Variants in RAPGEF6 observed in about 807,000 individuals in gnomAD.
The protein encoded by RAPGEF6 is Rap guanine nucleotide exchange factor 6, also known as PDZ domain containing guanine nucleotide exchange factor (GEF) 2.
In RAPGEF6, 56 loss-of-function variants were observed where a neutral mutation model predicts 171.4. That is an observed-to-expected ratio of 0.33 (90% CI 0.26 to 0.41). The LOEUF (loss-of-function observed/expected upper bound fraction) is 0.41. Ranked by LOEUF, RAPGEF6 falls within the 10% of genes least tolerant of loss-of-function variation. RAPGEF6 has a pLI of 1.00. For synonymous variants in RAPGEF6, 692 were observed against 650.1 expected (o/e 1.06, Z -0.98); for missense variants, 1,674 against 1,921.4 (o/e 0.87, Z 2.41).
rs912755554 is a variant in RAPGEF6, at chr5:131,425,063, A to G, written c.*2203T>C. The stretch of plus-strand genomic sequence containing the variant: ...GGGATACATACATAACAAACTACAA[A>G]GCATTTGGCTTTGGCTCCTGATCAA... On this transcript the variant is annotated 3_prime_UTR_variant, in exon 28 of 28. Transcript: ENST00000509018. 1 of 152,354 alleles carries G rather than the reference A, an allele frequency of 6.6e-6. No individual in the cohort carries two copies. The highest frequency in any genetic ancestry group is 2.4e-5 in the African/African-American group (1 of 41,454). 9.4% of individuals were successfully genotyped at this position (152,354 alleles called of 1,614,324 possible).
chr5:131,460,766 G>A (rs1479814581), intron 19 of RAPGEF6, among the ~76,000 whole-genome samples: 1 of 152,098 alleles, frequency 6.6e-6, no homozygotes, highest in East Asian at 1.9e-4. Flanking sequence ...GTAGACACTG[G>A]TTAATTTAAT....
chr5:131,502,962 C>T (rs907680628), intron 11 of RAPGEF6, among the ~76,000 whole-genome samples: 3 of 152,108 alleles, frequency 2.0e-5, no homozygotes, highest in African/African-American at 4.8e-5. Context: ...ACCACCATGC[C>T]TAGCTAATTT....
At chr5:131,572,575 C>T (rs144811890) in intron 4 of RAPGEF6, among the ~76,000 whole-genome samples, 7 of 152,086 alleles carry the variant, frequency 4.6e-5, no homozygotes, top group African/African-American at 1.4e-4. Context: ...TGTGGAGATG[C>T]CTGCTTTGGC....
intron 4 of RAPGEF6, among the ~76,000 whole-genome samples, chr5:131,566,379 T>C (rs963752353): frequency 6.6e-6 from 1 of 152,170 alleles, no homozygotes; most frequent in African/African-American, 2.4e-5. Context: ...AAGTATACTG[T>C]GTTAACTGAC....
chr5:131,547,964 A>AT, intron 6 of RAPGEF6, 83 bp downstream of exon 6: 2 of 1,445,098 alleles, frequency 1.4e-6, no homozygotes, highest in South Asian at 2.6e-5. Flanking sequence ...CAGCATGTTG[A>AT]TATTACCAAA....
chr5:131,626,047 A>C (rs1373986296), intron 1 of RAPGEF6, among the ~76,000 whole-genome samples: 1 of 152,188 alleles, frequency 6.6e-6, no homozygotes, highest in Non-Finnish European at 1.5e-5. Flanking sequence ...TAAACCCTGC[A>C]ACGGTTCTTT....
rs751104501 is a variant in RAPGEF6 at position 131,429,160 on chromosome 5, G to A, written c.4522C>T (p.Pro1508Ser). Residue 1508 changes from proline (P) to serine (S), a missense_variant, in exon 27 of 28, where the codon CCT (proline) becomes TCT (serine). This residue lies in a region of RAPGEF6 where 552 missense variants were observed against 574.2 expected (regional missense o/e 0.96). Coordinates refer to ENST00000509018, the MANE Select transcript of RAPGEF6 (RefSeq NM_016340.6). Reference protein sequence around the residue: ...DDRYREPPPTPPGYLGISLAD... With the variant: ...DDRYREPPPTSPGYLGISLAD... ...AAAGAAATCCCCAAATATCCTGGAG[G>A]AGTGGGAGGTGGCTCCCTATACCTA... 1.2e-6 allele frequency: 2 copies of A among 1,613,838 alleles called. No homozygotes were observed. Among genetic ancestry groups the A allele is most frequent in the Non-Finnish European group, 1.7e-6 (2 of 1,179,766 alleles).
In RAPGEF6 at chr5:131,427,240, T is replaced by C. The variant is rs1751432610; in HGVS notation, c.*26A>G. 4.4e-6 allele frequency: 7 copies of C among 1,602,164 alleles called. No individual in the cohort carries two copies. The highest frequency in any genetic ancestry group is 6.0e-6 in the Non-Finnish European group (7 of 1,169,190). On this transcript the variant is annotated 3_prime_UTR_variant, in exon 28 of 28. Transcript: ENST00000509018. ...TTGCCCATTCCTCCACGACTTTCAG[T>C]GGTTTTCAAATAGGTCATCCAAAGG...
At chr5:131,523,877 T>G (rs1351854245) in intron 6 of RAPGEF6, among the ~76,000 whole-genome samples, 1 of 150,618 alleles carries the variant, frequency 6.6e-6, no homozygotes, top group East Asian at 1.9e-4. Flanking sequence ...TGGCAGGGGG[T>G]GAGGTGGAGT....
In RAPGEF6 at chr5:131,456,025, A is replaced by G; in HGVS notation, c.2865-13T>C. On this transcript the variant is annotated splice_polypyrimidine_tract_variant and intron_variant, in intron 19 of 27. Coordinates refer to ENST00000509018, the MANE Select transcript of RAPGEF6 (RefSeq NM_016340.6). ...CAGGTTCAAGCCACTGCCAAAGATG[A>G]GAATAGAAACATTAAAAAGAAACTT... 2 of 1,611,334 alleles carry G rather than the reference A, an allele frequency of 1.2e-6. No individual in the cohort carries two copies. The highest frequency in any genetic ancestry group is 1.3e-5 in the African/African-American group (1 of 74,838).
At chr5:131,533,977 G>A (rs1759583117) in intron 6 of RAPGEF6, among the ~76,000 whole-genome samples, 3 of 152,024 alleles carry the variant, frequency 2.0e-5, no homozygotes. Context: ...CTGCTACAAG[G>A]CATTAGATAC....
chr5:131,567,024 G>A (rs1048622329), intron 4 of RAPGEF6, among the ~76,000 whole-genome samples: 2 of 150,772 alleles, frequency 1.3e-5, no homozygotes, highest in Middle Eastern at 3.2e-3. Context: ...AACCCGGGAA[G>A]TGGAGTTTGC....
chr5:131,531,139 A>C (rs745842419), intron 6 of RAPGEF6, among the ~76,000 whole-genome samples: 50 of 152,332 alleles, frequency 3.3e-4, no homozygotes, highest in Non-Finnish European at 1.5e-4. Flanking sequence ...ATAAAACAGA[A>C]AAACACCACG....
chr5:131,508,093 A>G lies in RAPGEF6; in HGVS notation c.920T>C (p.Ile307Thr), dbSNP rs777411002. The change falls in exon 9 of 28, where the codon ATT (isoleucine) becomes ACT (threonine). Residue 307 changes from isoleucine to threonine, a missense_variant. This residue lies in a region of RAPGEF6 where 1,116 missense variants were observed against 1,321.5 expected (regional missense o/e 0.84). Transcript: ENST00000509018. Reference sequence around the variant, plus strand: ...TACCTCTTGCCCATCTTCAAGAATAATAGCTCCAGCCTGCTCTACCACTTC... The same window carrying G: ...TACCTCTTGCCCATCTTCAAGAATAGTAGCTCCAGCCTGCTCTACCACTTC... ...IFEVVEQAGA[I>T]ILEDGQELDS... 3 of 1,607,284 alleles carry G rather than the reference A, an allele frequency of 1.9e-6. No individual in the cohort carries two copies. The highest frequency in any genetic ancestry group is 4.5e-5 in the East Asian group (2 of 44,522).
intron 9 of RAPGEF6, 87 bp downstream of exon 9, chr5:131,507,984 T>A (rs1757474529): frequency 8.1e-7 from 1 of 1,233,698 alleles, no homozygotes; most frequent in Admixed American, 2.7e-5. Flanking sequence ...AAATCAGTAC[T>A]CAAAAATCAG....
chr5:131,525,741 G>C (rs1758829479), intron 6 of RAPGEF6, among the ~76,000 whole-genome samples: 1 of 152,070 alleles, frequency 6.6e-6, no homozygotes. Context: ...GTGGTGTTTG[G>C]TTGGGGTGTC....
At position 131,598,596 on chromosome 5, in the gene RAPGEF6, C is replaced by T. The variant is rs1054659772; in HGVS notation, c.197+4675G>A. 4.6e-5 allele frequency among the ~76,000 whole-genome samples: 7 copies of T among 152,180 alleles called. 1 individual carries two copies. Among genetic ancestry groups the T allele is most frequent in the Non-Finnish European group, 7.4e-5 (5 of 68,026 alleles). Reference sequence around the variant, plus strand: ...TAACTGCAAAGGAGTAACAAGAACACTGATTACTGAGTCTTCAACATAAAT... The same window carrying T: ...TAACTGCAAAGGAGTAACAAGAACATTGATTACTGAGTCTTCAACATAAAT... On this transcript the variant is annotated intron_variant, in intron 3 of 27. Coordinates refer to ENST00000509018, the MANE Select transcript of RAPGEF6 (RefSeq NM_016340.6).
At chr5:131,584,450 A>G (rs1228263326) in intron 4 of RAPGEF6, among the ~76,000 whole-genome samples, 1 of 152,198 alleles carries the variant, frequency 6.6e-6, no homozygotes, top group African/African-American at 2.4e-5. Flanking sequence ...TTTAGGAAAC[A>G]TTTATAGTTT....
intron 21 of RAPGEF6, among the ~76,000 whole-genome samples, chr5:131,451,317 C>T (rs1015958510): frequency 1.3e-5 from 2 of 152,066 alleles, no homozygotes; most frequent in African/African-American, 4.8e-5. Context: ...GGTGCAGTGG[C>T]TCACGCCTGT....
Sources: gnomAD v4.1 joint callset for allele counts (sites outside exome capture counted in the v4.1 genomes callset) on GRCh38, gnomAD v4.1.1 for gene constraint, gnomAD v4.1.1 regional missense constraint, MANE v1.5 for transcripts, NCBI Gene and HGNC (gene_info 2026-07-23, HGNC 2026-07-21) for gene names.